KCNAB2: variants seen among roughly 807,000 people sequenced by gnomAD.
The protein encoded by KCNAB2 is potassium voltage-gated channel subfamily A regulatory beta subunit 2, also known as voltage-gated potassium channel subunit beta-2.
In KCNAB2, 29 loss-of-function variants were observed where a neutral mutation model predicts 63.6. That is an observed-to-expected ratio of 0.46 (90% CI 0.34 to 0.62). The LOEUF is 0.62. Ranked by LOEUF, KCNAB2 falls within the 20% of genes least tolerant of loss-of-function variation. The probability of loss-of-function intolerance (pLI) is 0.01; values close to 1 mark genes in which losing one functional copy is unlikely to be tolerated. For missense variants in KCNAB2, 359 were observed against 563.9 expected, an observed-to-expected ratio of 0.64 and a Z score of 3.68; for synonymous variants, 222 against 224.2, an observed-to-expected ratio of 0.99 and a Z score of 0.09.
At chr1:5,993,643 C>T (rs768754126) in intron 1 of KCNAB2, among the ~76,000 whole-genome samples, 1 of 152,208 alleles carries the variant, frequency 6.6e-6, no homozygotes, top group Non-Finnish European at 1.5e-5. Context: ...CTCCTCCTGG[C>T]ATTTGTCCTG....
At chr1:6,095,482 C>T in intron 12 of KCNAB2, 39 bp downstream of exon 12, 1 of 1,611,678 alleles carries the variant, frequency 6.2e-7, no homozygotes, top group Non-Finnish European at 8.5e-7. Context: ...CCCACCCCAC[C>T]CCTGCTCTCG....
intron 10 of KCNAB2, among the ~76,000 whole-genome samples, chr1:6,093,590 C>G (rs1469707914): frequency 1.3e-5 from 2 of 152,194 alleles, no homozygotes; most frequent in Non-Finnish European, 2.9e-5. Flanking sequence ...CTCCGCCGTC[C>G]ACGATTCAGG....
At chr1:6,098,181 GA>G (rs1171339900) in intron 15 of KCNAB2, 1 of 1,120,978 alleles carries the variant, frequency 8.9e-7, no homozygotes, top group Admixed American at 4.8e-5. Flanking sequence ...CACGGACATG[GA>G]AGTCCAGCAT....
chr1:6,056,602 C>T (rs1298343567), intron 2 of KCNAB2, among the ~76,000 whole-genome samples: 4 of 152,162 alleles, frequency 2.6e-5, no homozygotes, highest in Non-Finnish European at 5.9e-5. Flanking sequence ...TTCCTCTGCT[C>T]CCCATGGTGC....
chr1:6,100,180 CTG>C lies in KCNAB2; in HGVS notation c.*1609_*1610del, dbSNP rs750525986. The C allele has an allele frequency of 1.4e-4, 176 of 1,237,032 alleles. No homozygotes were observed. The highest frequency in any genetic ancestry group is 1.7e-4 in the Non-Finnish European group (162 of 943,188). 76.6% of individuals were successfully genotyped at this position (1,237,032 alleles called of 1,614,324 possible). A position where few individuals can be genotyped will look rare whatever the true frequency, so the allele number is the denominator to read the frequency against. On this transcript the variant is annotated 3_prime_UTR_variant, in exon 16 of 16. Coordinates refer to ENST00000378083, the MANE Select transcript of KCNAB2 (RefSeq NM_001199862.2). ...CCTGGCCGGGCCAAGGCCTGGGAAA[CTG>C]TGAAAGTCAGAAAGGCCAGCGGGGA...
At chr1:6,089,301 C>T (rs546729652) in intron 8 of KCNAB2, among the ~76,000 whole-genome samples, 38 of 152,218 alleles carry the variant, frequency 2.5e-4, no homozygotes, top group Non-Finnish European at 5.4e-4. Context: ...AGGTTTGGCC[C>T]CACACTGGCT....
intron 1 of KCNAB2, among the ~76,000 whole-genome samples, chr1:6,005,547 C>G (rs1175633525): frequency 6.6e-5 from 10 of 150,538 alleles, no homozygotes; most frequent in African/African-American, 2.0e-4. Context: ...TGAGGGTCCC[C>G]CCTACCCCCC....
At chr1:6,066,333 C>T (rs576739677) in intron 2 of KCNAB2, among the ~76,000 whole-genome samples, 1 of 152,196 alleles carries the variant, frequency 6.6e-6, no homozygotes, top group Non-Finnish European at 1.5e-5. Context: ...TCCCCAACTC[C>T]CCACCTCCTC....
chr1:6,064,350 G>T (rs1018035379), intron 2 of KCNAB2, among the ~76,000 whole-genome samples: 18 of 152,340 alleles, frequency 1.2e-4, no homozygotes, highest in Non-Finnish European at 1.6e-4. Context: ...CAGGTGCCTT[G>T]TGATACACAG....
intron 1 of KCNAB2, among the ~76,000 whole-genome samples, chr1:6,027,127 C>G (rs1313753693): frequency 6.6e-6 from 1 of 152,194 alleles, no homozygotes; most frequent in Non-Finnish European, 1.5e-5. Context: ...TCCTGCGTCC[C>G]CTCTCACTTG....
At position 6,078,599 on chromosome 1, in the gene KCNAB2, C is replaced by T. The variant is rs72862363; in HGVS notation, c.301-3596C>T. 0.23 allele frequency among the ~76,000 whole-genome samples: 34,622 copies of T among 151,950 alleles called. 5,038 individuals carry two copies. Among genetic ancestry groups the T allele is most frequent in the African/African-American group, 0.42 (17,245 of 41,368 alleles). ...GGAGAAGGGGATGCAGGGGATAGAG[C>T]TGGGGGTCAGGGTGCAGATCTGGTG... On this transcript the variant is annotated intron_variant, in intron 4 of 15. Coordinates refer to ENST00000378083, the MANE Select transcript of KCNAB2 (RefSeq NM_001199862.2). The surrounding 1 kb of genome is among the most constrained non-coding windows in gnomAD (Gnocchi z 4.2).
At chr1:6,081,098 A>G (rs1664171245) in intron 4 of KCNAB2, among the ~76,000 whole-genome samples, 1 of 152,040 alleles carries the variant, frequency 6.6e-6, no homozygotes, top group South Asian at 2.1e-4. Context: ...CATGAGTCCC[A>G]CCCCACGACC....
rs139569149 is a variant in KCNAB2 at position 6,017,681 on chromosome 1, C to A, written c.-52-22836C>A. On this transcript the variant is annotated intron_variant, in intron 1 of 16. Coordinates refer to the KCNAB2 transcript ENST00000341524. ...TGGCAGGTGCCTGCAATCCCAGCTACTCGAGAGGCTGAGGCAGGAGAATTG... is the reference window on the plus strand; with the variant it reads ...TGGCAGGTGCCTGCAATCCCAGCTAATCGAGAGGCTGAGGCAGGAGAATTG... Among the ~76,000 whole-genome samples the A allele has an allele frequency of 3.5e-4, 53 of 152,194 alleles. No individual in the cohort carries two copies. In the East Asian group the frequency reaches 0.01, roughly 29 times the overall value.
intron 2 of KCNAB2, 87 bp downstream of exon 2, chr1:6,051,841 C>T: frequency 6.5e-6 from 9 of 1,382,988 alleles, no homozygotes; most frequent in Non-Finnish European, 8.6e-6. Context: ...CGGTGGTTCA[C>T]ACCTGTAATC....
chr1:6,004,229 T>C (rs1258014857), intron 1 of KCNAB2, among the ~76,000 whole-genome samples: 1 of 145,080 alleles, frequency 6.9e-6, no homozygotes, highest in African/African-American at 2.6e-5. Flanking sequence ...GTTAGAGGGT[T>C]TTTTTTTTTT....
At chr1:6,047,847 G>A (rs1661057400) in intron 1 of KCNAB2, among the ~76,000 whole-genome samples, 1 of 152,330 alleles carries the variant, frequency 6.6e-6, no homozygotes, top group East Asian at 1.9e-4. Flanking sequence ...CCATGCCAAA[G>A]GCTGCCATTT....
intron 1 of KCNAB2, among the ~76,000 whole-genome samples, chr1:6,020,925 G>T (rs1036248202): frequency 6.6e-6 from 1 of 152,106 alleles, no homozygotes; most frequent in Non-Finnish European, 1.5e-5. Flanking sequence ...CTCCCAAAGT[G>T]TTGGGATTAC....
rs1663478628 is a variant in KCNAB2 at position 6,074,278 on chromosome 1, C to T, written c.300+508C>T. On this transcript the variant is annotated intron_variant, in intron 4 of 15. Coordinates refer to ENST00000378083, the MANE Select transcript of KCNAB2 (RefSeq NM_001199862.2). The surrounding 1 kb of genome is among the most constrained non-coding windows in gnomAD (Gnocchi z 4.9). ...CCCAGCTGCCGCGAACCGTGCGGAT[C>T]GCAGTCAGATGTATTTGCTGGGGCT... 6.6e-6 allele frequency among the ~76,000 whole-genome samples: 1 copy of T among 152,218 alleles called. No individual in the cohort carries two copies. The highest frequency in any genetic ancestry group is 2.4e-5 in the African/African-American group (1 of 41,462).
chr1:5,994,169 C>G lies in KCNAB2; in HGVS notation c.-53+1381C>G, dbSNP rs1397336821. ...TTTCTTTCTCTGCAACTTCTCCTCC[C>G]CGACAAAAACCCCAGCCTCACCCCT... On this transcript the variant is annotated intron_variant, in intron 1 of 16. Transcript: ENST00000341524. This position sits in a 1 kb window ranked among gnomAD's most constrained non-coding sequence, Gnocchi z 5.4. Among the ~76,000 whole-genome samples the G allele has an allele frequency of 1.3e-5, 2 of 152,202 alleles. No individual in the cohort carries two copies. Among genetic ancestry groups the G allele is most frequent in the Non-Finnish European group, 1.5e-5 (1 of 68,038 alleles).
Sources: allele counts gnomAD v4.1 joint callset (sites outside exome capture counted in the v4.1 genomes callset), GRCh38; gene constraint gnomAD v4.1.1; non-coding constraint Gnocchi (gnomAD v3.1); transcripts MANE v1.5; gene names NCBI Gene and HGNC (gene_info 2026-07-23, HGNC 2026-07-21).